Variants in OTUD3 observed in about 807,000 individuals in gnomAD.
OTUD3 encodes the protein OTU deubiquitinase 3.
OTUD3 carries 24 observed loss-of-function variants against 46.2 expected under a neutral mutation model. The ratio of observed to expected loss-of-function variants is 0.52; its 90% CI spans 0.38 to 0.73. OTUD3 has a LOEUF of 0.73. Among genes scored for constraint, OTUD3 ranks in the 30% least tolerant of loss-of-function variants. The pLI is 0.00. For synonymous variants in OTUD3, 189 were observed against 195.4 expected (o/e 0.97, Z 0.27); for missense variants, 455 against 523.3 (o/e 0.87, Z 1.27).
chr1:19,907,424 A>T, intron 7 of OTUD3, 146 bp from the exon 8 acceptor site: 1 of 633,408 alleles, frequency 1.6e-6, no homozygotes, highest in South Asian at 2.2e-5. Context: ...GCAGCAGTGG[A>T]CAGTAAATCA....
At chr1:19,902,837 A>G (rs1372807087) in intron 4 of OTUD3, among the ~76,000 whole-genome samples, 1 of 152,108 alleles carries the variant, frequency 6.6e-6, no homozygotes, top group Non-Finnish European at 1.5e-5. Flanking sequence ...TTGGCTAAAT[A>G]CTTTGGCTGT....
intron 3 of OTUD3, among the ~76,000 whole-genome samples, chr1:19,896,280 A>G (rs1426311814): frequency 6.6e-6 from 1 of 152,108 alleles, no homozygotes; most frequent in Non-Finnish European, 1.5e-5. Context: ...GATGTATGTA[A>G]CATAGAATGT....
chr1:19,897,709 A>G (rs1030588013), intron 4 of OTUD3, 47 bp downstream of exon 4: 1 of 1,591,282 alleles, frequency 6.3e-7, no homozygotes, highest in Non-Finnish European at 8.6e-7. Flanking sequence ...CCTACAGGAA[A>G]CAGATTGAGA....
chr1:19,882,661 G>A lies in OTUD3; in HGVS notation c.148G>A (p.Glu50Lys). Residue 50 changes from glutamate to lysine, a missense_variant, in exon 1 of 8, where the codon GAG (glutamate) becomes AAG (lysine). Coordinates refer to ENST00000375120, the MANE Select transcript of OTUD3 (RefSeq NM_015207.2). The part of the protein sequence containing the change: ...RPESGGGGGC[E>K]EEFVSFANQL... ...GGAGTCTGGCGGCGGCGGCGGCTGC[G>A]AGGAGGAGTTCGTCAGCTTCGCCAA... The A allele has an allele frequency of 6.8e-7, 1 of 1,460,022 alleles. No individual in the cohort carries two copies. Among genetic ancestry groups the A allele is most frequent in the African/African-American group, 1.5e-5 (1 of 68,220 alleles). 90.4% of individuals were successfully genotyped at this position (1,460,022 alleles called of 1,614,324 possible). A position where few individuals can be genotyped will look rare whatever the true frequency, so the allele number is the denominator to read the frequency against.
intron 1 of OTUD3, among the ~76,000 whole-genome samples, chr1:19,883,859 CTG>C (rs1435194967): frequency 6.6e-6 from 1 of 152,226 alleles, no homozygotes; most frequent in Admixed American, 6.5e-5. Flanking sequence ...TTGATTAAGA[CTG>C]TGAACTGGTC....
chr1:19,906,715 T>G, intron 7 of OTUD3, 99 bp downstream of exon 7: 1 of 1,127,374 alleles, frequency 8.9e-7, no homozygotes, highest in Non-Finnish European at 1.2e-6. Context: ...TTCCTTCTGA[T>G]TTATAAAAGT....
At chr1:19,898,290 G>A (rs2045543226) in intron 4 of OTUD3, among the ~76,000 whole-genome samples, 1 of 151,912 alleles carries the variant, frequency 6.6e-6, no homozygotes, top group Non-Finnish European at 1.5e-5. Flanking sequence ...TATAGTAAAG[G>A]TAAAGAAGAA....
chr1:19,898,728 CAAA>C (rs754569616), intron 4 of OTUD3, among the ~76,000 whole-genome samples: 2 of 114,022 alleles, frequency 1.8e-5, no homozygotes, highest in Non-Finnish European at 3.8e-5. Flanking sequence ...AACTCCATCT[CAAA>C]AAAAAAAAAA....
At chr1:19,895,140 CAT>C (rs1020117212) in intron 3 of OTUD3, among the ~76,000 whole-genome samples, 18 of 152,324 alleles carry the variant, frequency 1.2e-4, no homozygotes, top group Admixed American at 2.6e-4. Context: ...CACATACACA[CAT>C]GTATCCATAT....
chr1:19,882,885 G>A, intron 1 of OTUD3, 151 bp downstream of exon 1: 5 of 657,718 alleles, frequency 7.6e-6, no homozygotes, highest in Non-Finnish European at 8.8e-6. Flanking sequence ...AGGGCGTCCA[G>A]CTGCGAGTGA....
intron 6 of OTUD3, 86 bp from the exon 7 acceptor site, chr1:19,906,346 C>A: frequency 8.5e-7 from 1 of 1,177,686 alleles, no homozygotes; most frequent in Non-Finnish European, 1.2e-6. Flanking sequence ...AAGTAGGGAC[C>A]CAGGTAATTT....
At chr1:19,882,997 T>TA (rs1437603100) in intron 1 of OTUD3, among the ~76,000 whole-genome samples, 1 of 152,198 alleles carries the variant, frequency 6.6e-6, no homozygotes, top group East Asian at 1.9e-4. Flanking sequence ...TGAGACCGTA[T>TA]ATGGGAGCAG....
chr1:19,892,610 T>A (rs1025585349), intron 2 of OTUD3, among the ~76,000 whole-genome samples: 1 of 152,198 alleles, frequency 6.6e-6, no homozygotes, highest in African/African-American at 2.4e-5. Context: ...AACCTGAGTA[T>A]TCTTAATGCT....
intron 1 of OTUD3, among the ~76,000 whole-genome samples, chr1:19,886,246 T>A (rs538736713): frequency 6.6e-6 from 1 of 152,254 alleles, no homozygotes; most frequent in African/African-American, 2.4e-5. Flanking sequence ...TCTGAACTTA[T>A]CTAGTTGGGT....
chr1:19,888,440 A>G (rs982306025), intron 1 of OTUD3, among the ~76,000 whole-genome samples: 13 of 152,232 alleles, frequency 8.5e-5, no homozygotes, highest in African/African-American at 2.4e-4. Flanking sequence ...CCTGTCAGAA[A>G]AGGAAGTGAT....
Position 19,890,738 on chromosome 1 carries a change from T to A in OTUD3, c.370+205T>A, listed in dbSNP as rs187450445. Among the ~76,000 whole-genome samples the A allele has an allele frequency of 2.6e-3, 392 of 152,320 alleles. 7 individuals carry two copies. The highest frequency in any genetic ancestry group is 3.9e-3 in the Non-Finnish European group (265 of 68,030). On this transcript the variant is annotated intron_variant, in intron 2 of 7. Coordinates refer to ENST00000375120, the MANE Select transcript of OTUD3 (RefSeq NM_015207.2). Reference sequence around the variant, plus strand: ...TAGGTTTAGCTGTATATGCCCTTAATAAACATGATGGTATTAATTGACCTG... The same window carrying A: ...TAGGTTTAGCTGTATATGCCCTTAAAAAACATGATGGTATTAATTGACCTG...
At chr1:19,895,692 C>T (rs2045509087) in intron 3 of OTUD3, among the ~76,000 whole-genome samples, 2 of 152,176 alleles carry the variant, frequency 1.3e-5, no homozygotes, top group South Asian at 4.1e-4. Flanking sequence ...GTCCTGACAT[C>T]AGGGTACCAG....
At chr1:19,886,349 TACTA>T (rs2045360275) in intron 1 of OTUD3, among the ~76,000 whole-genome samples, 1 of 152,236 alleles carries the variant, frequency 6.6e-6, no homozygotes, top group Non-Finnish European at 1.5e-5. Context: ...TTTATCTTAT[TACTA>T]ACAAGTAGTT....
chr1:19,907,823 C>G lies in OTUD3; in HGVS notation c.*77C>G, dbSNP rs1220401830. 2.8e-6 allele frequency: 4 copies of G among 1,419,184 alleles called. No homozygotes were observed. In the South Asian group the frequency reaches 3.9e-5, roughly 14 times the overall value. 87.9% of individuals were successfully genotyped at this position (1,419,184 alleles called of 1,614,324 possible). A position where few individuals can be genotyped will look rare whatever the true frequency, so the allele number is the denominator to read the frequency against. On this transcript the variant is annotated 3_prime_UTR_variant, in exon 8 of 8. Transcript: ENST00000375120. ...TGCTAGACTTTCCAGTGAGGCCGTC[C>G]TTTTATAAAACGCAACACAACCAAC...
Sources: allele counts gnomAD v4.1 joint callset (sites outside exome capture counted in the v4.1 genomes callset), GRCh38; gene constraint gnomAD v4.1.1; transcripts MANE v1.5; gene names NCBI Gene and HGNC (gene_info 2026-07-23, HGNC 2026-07-21).